Variants in ADAM12 observed in about 807,000 individuals in gnomAD.
ADAM12 encodes ADAM metallopeptidase domain 12.
ADAM12 carries 70 observed loss-of-function variants against 106.4 expected under a neutral mutation model. That is an observed-to-expected ratio of 0.66 (90% CI 0.54 to 0.80). ADAM12 has a LOEUF of 0.80. Ranked by LOEUF, ADAM12 falls within the 30% of genes least tolerant of loss-of-function variation. The probability of loss-of-function intolerance (pLI) is 0.00; values close to 1 mark genes in which losing one functional copy is unlikely to be tolerated. For synonymous variants in ADAM12, 420 were observed against 433.5 expected (o/e 0.97, Z 0.39); for missense variants, 1,010 against 1,171.9 (o/e 0.86, Z 2.02).
At chr10:126,048,728 A>T (rs1954393789) in intron 16 of ADAM12, among the ~76,000 whole-genome samples, 1 of 152,140 alleles carries the variant, frequency 6.6e-6, no homozygotes, top group East Asian at 1.9e-4. Flanking sequence ...TTCCAAAAAA[A>T]AAAAAAGTTT....
At chr10:126,146,042 G>C (rs367753834) in intron 4 of ADAM12, among the ~76,000 whole-genome samples, 2 of 152,278 alleles carry the variant, frequency 1.3e-5, no homozygotes, top group African/African-American at 4.8e-5. Context: ...GCCGGTGCGG[G>C]GTCTGGATTA....
intron 3 of ADAM12, among the ~76,000 whole-genome samples, chr10:126,266,090 G>A (rs1055698241): frequency 2.0e-5 from 3 of 152,158 alleles, no homozygotes; most frequent in East Asian, 1.9e-4. Context: ...CACAGGCGAT[G>A]GGTACATAGC....
chr10:126,241,787 T>C (rs1261540158), intron 3 of ADAM12, among the ~76,000 whole-genome samples: 20 of 152,208 alleles, frequency 1.3e-4, no homozygotes, highest in Admixed American at 1.2e-3. Context: ...ATGGGATAAA[T>C]ATAAGCAGCA....
chr10:126,209,664 A>AT (rs1478835216), intron 3 of ADAM12, among the ~76,000 whole-genome samples: 1 of 152,208 alleles, frequency 6.6e-6, no homozygotes, highest in Non-Finnish European at 1.5e-5. Context: ...GTCAGCAGCT[A>AT]TTTTTAGATA....
At chr10:126,352,284 A>AT (rs1239236715) in intron 1 of ADAM12, among the ~76,000 whole-genome samples, 4 of 152,222 alleles carry the variant, frequency 2.6e-5, no homozygotes, top group Non-Finnish European at 4.4e-5. Context: ...GTCTGGCTGC[A>AT]TTTTAATAAC....
intron 1 of ADAM12, among the ~76,000 whole-genome samples, chr10:126,361,466 C>A (rs1855742253): frequency 6.6e-6 from 1 of 152,202 alleles, no homozygotes; most frequent in East Asian, 1.9e-4. Context: ...ACAAAAAACC[C>A]TGACTAGCCA....
Position 126,066,776 on chromosome 10 carries a change from T to C in ADAM12, c.1354A>G (p.Thr452Ala). 6.2e-7 allele frequency: 1 copy of C among 1,614,178 alleles called. No individual in the cohort carries two copies. ...ACAGCGTCCGGCTTCAGGGTACAGG[T>C]GGTGGCATTGCAGCAGCGATTCATA... is the stretch of plus-strand genomic sequence containing the variant. ...ECMNRCCNATTCTLKPDAVCA... is the reference protein window; with the variant it reads ...ECMNRCCNATACTLKPDAVCA... The change falls in exon 13 of 23, where the codon ACC becomes GCC. Residue 452 changes from threonine to alanine, a missense_variant. This residue lies in a region of ADAM12 where 615 missense variants were observed against 708.5 expected (regional missense o/e 0.87). Coordinates refer to ENST00000448723, the MANE Select transcript of ADAM12 (RefSeq NM_001288973.2). This position sits in a 1 kb window ranked among gnomAD's most constrained non-coding sequence, Gnocchi z 5.1.
At chr10:126,100,575 C>T (rs373833984) in intron 9 of ADAM12, among the ~76,000 whole-genome samples, 64 of 150,884 alleles carry the variant, frequency 4.2e-4, no homozygotes, top group African/African-American at 1.5e-3. Flanking sequence ...ATTAGCTGGG[C>T]GTGGTGGCGT....
At chr10:126,164,189 T>A (rs1318440722) in intron 3 of ADAM12, among the ~76,000 whole-genome samples, 1 of 152,262 alleles carries the variant, frequency 6.6e-6, no homozygotes, top group African/African-American at 2.4e-5. Context: ...CTTTTTCCTA[T>A]TATTTCTTTG....
intron 2 of ADAM12, among the ~76,000 whole-genome samples, chr10:126,323,069 A>C (rs748353820): frequency 6.6e-6 from 1 of 152,180 alleles, no homozygotes; most frequent in African/African-American, 2.4e-5. Context: ...GTCTGGGAAC[A>C]GTGTTCCAAC....
rs187970537 is a variant in ADAM12, at chr10:126,147,411, T to A, written c.339+7816A>T. On this transcript the variant is annotated intron_variant, in intron 4 of 22. Transcript: ENST00000448723. ...ACTTCATGCTGGAGCCAGCGGGTGC[T>A]TTTCAAAGCCCAAACATAGTCATGA... is the stretch of plus-strand genomic sequence containing the variant. Among the ~76,000 whole-genome samples the A allele has an allele frequency of 5.8e-3, 879 of 152,288 alleles. 9 individuals carry two copies. Among genetic ancestry groups the A allele is most frequent in the African/African-American group, 0.02 (847 of 41,562 alleles).
At position 126,388,067 on chromosome 10, in the gene ADAM12, C is replaced by A; in HGVS notation, c.79G>T (p.Glu27Ter). The change falls in exon 1 of 23, where the codon GAG becomes TAG. Residue 27 changes from glutamate to a stop codon, truncating the protein, a stop_gained. Transcript: ENST00000448723. LOFTEE classifies it high-confidence loss of function. This position sits in a 1 kb window ranked among gnomAD's most constrained non-coding sequence, Gnocchi z 4.4. ...TAGTTCGGCGACTTACCTCGGGCCT[C>A]GCAGGGCGCGAGCAGAGCACCGGCC... ...ALAGALLAPCEARGVSLWNQG... is the reference protein window; with the variant it reads ...ALAGALLAPC The A allele has an allele frequency of 8.2e-7, 1 of 1,226,682 alleles. No individual in the cohort carries two copies. Among genetic ancestry groups the A allele is most frequent in the Non-Finnish European group, 1.0e-6 (1 of 983,380 alleles). 76.0% of individuals were successfully genotyped at this position (1,226,682 alleles called of 1,614,324 possible).
intron 2 of ADAM12, among the ~76,000 whole-genome samples, chr10:126,285,330 G>A (rs1001366748): frequency 6.6e-6 from 1 of 152,206 alleles, no homozygotes; most frequent in African/African-American, 2.4e-5. Flanking sequence ...ATCTTTTTAA[G>A]TTTGAAAGTT....
Position 126,279,014 on chromosome 10 carries a change from T to C in ADAM12, c.187-26A>G, listed in dbSNP as rs1302222829. On this transcript the variant is annotated intron_variant, in intron 2 of 22. Transcript: ENST00000448723. ...CTGAAAGATAAACAACAAAAGTCAG[T>C]TGAAAAACGCTTGGCTTTGATTTGC... The C allele has an allele frequency of 5.1e-6, 8 of 1,582,472 alleles. No individual in the cohort carries two copies. In the East Asian group the frequency reaches 1.3e-4, roughly 27 times the overall value.
intron 20 of ADAM12, among the ~76,000 whole-genome samples, 175 bp from the exon 21 acceptor site, chr10:126,036,500 A>G (rs1356343543): frequency 6.6e-6 from 1 of 152,238 alleles, no homozygotes; most frequent in Non-Finnish European, 1.5e-5. Flanking sequence ...TTAAACTTCA[A>G]AATTCAAACA....
intron 1 of ADAM12, among the ~76,000 whole-genome samples, chr10:126,386,384 A>G (rs915319678): frequency 2.6e-5 from 4 of 152,164 alleles, no homozygotes; most frequent in African/African-American, 9.7e-5. Context: ...GTTTCATTAT[A>G]TGTTTGGCGT....
Position 126,066,909 on chromosome 10 carries a change from A to C in ADAM12, c.1324-103T>G, listed in dbSNP as rs1222976888. The C allele has an allele frequency of 9.1e-7, 1 of 1,098,592 alleles. No individual in the cohort carries two copies. Among genetic ancestry groups the C allele is most frequent in the Non-Finnish European group, 1.4e-6 (1 of 739,626 alleles). 68.1% of individuals were successfully genotyped at this position (1,098,592 alleles called of 1,614,324 possible). On this transcript the variant is annotated intron_variant, in intron 12 of 22. Transcript: ENST00000448723. The surrounding 1 kb of genome is among the most constrained non-coding windows in gnomAD (Gnocchi z 5.1). ...TGGCTGCAAAAAGCAAGAAAGACCA[A>C]GAGGGCCCAGCTCCTGAACTGCACA... is the stretch of plus-strand genomic sequence containing the variant.
intron 1 of ADAM12, among the ~76,000 whole-genome samples, chr10:126,340,940 C>T (rs1198509796): frequency 6.6e-6 from 1 of 152,070 alleles, no homozygotes; most frequent in Admixed American, 6.5e-5. Context: ...TGGTCTTGAA[C>T]TCCTGAGCTC....
intron 3 of ADAM12, among the ~76,000 whole-genome samples, chr10:126,193,380 C>G (rs989470577): frequency 6.7e-6 from 1 of 149,358 alleles, no homozygotes; most frequent in African/African-American, 2.5e-5. Flanking sequence ...TAAGGTTTTG[C>G]TTAATTTGCA....
Sources: gnomAD v4.1 joint callset for allele counts (sites outside exome capture counted in the v4.1 genomes callset) on GRCh38, gnomAD v4.1.1 for gene constraint, gnomAD v4.1.1 regional missense constraint, Gnocchi (gnomAD v3.1) non-coding constraint, MANE v1.5 for transcripts, NCBI Gene and HGNC (gene_info 2026-07-23, HGNC 2026-07-21) for gene names.